ARID1B: variants seen among roughly 807,000 people sequenced by gnomAD.
The protein encoded by ARID1B is AT-rich interactive domain-containing protein 1B.
Under a neutral mutation model 212.3 loss-of-function variants are expected in ARID1B, and 30 were observed. The observed-to-expected ratio is 0.14, with a 90% CI of 0.11 to 0.19. The LOEUF is 0.19. ARID1B is among the 10% of genes least tolerant of loss of function. The pLI is 1.00. For missense variants in ARID1B, 2,891 were observed against 3,204.0 expected (o/e 0.90, Z 2.36); for synonymous variants, 1,402 against 1,301.7 (o/e 1.08, Z -1.66).
intron 4 of ARID1B, among the ~76,000 whole-genome samples, chr6:156,984,312 T>C (rs1777793562): frequency 6.6e-6 from 1 of 152,192 alleles, no homozygotes; most frequent in East Asian, 1.9e-4. Flanking sequence ...TCCTTGGACC[T>C]CTTCACATTT....
At chr6:157,149,645 AAAT>A (rs1351623986) in intron 8 of ARID1B, 4 of 152,242 alleles carry the variant, frequency 2.6e-5, no homozygotes, top group African/African-American at 9.6e-5. Flanking sequence ...ACCTGGATAA[AAAT>A]AACATAATTA....
At chr6:157,047,051 A>G (rs1782286247) in intron 4 of ARID1B, among the ~76,000 whole-genome samples, 1 of 152,130 alleles carries the variant, frequency 6.6e-6, no homozygotes, top group South Asian at 2.1e-4. Flanking sequence ...GGAACTCTAT[A>G]TTAGGTTACA....
At position 157,010,193 on chromosome 6, in the gene ARID1B, C is replaced by T. The variant is rs569943170; in HGVS notation, c.2248-74469C>T. 2.5e-4 allele frequency among the ~76,000 whole-genome samples: 38 copies of T among 149,704 alleles called. 2 individuals carry two copies. The highest frequency in any genetic ancestry group is 8.1e-4 in the African/African-American group (33 of 40,512). ...TTGTTTTTCTCTATCTTTGGGTAATCTTGAATAGGGCCGAGCTATTATTTA... is the reference window on the plus strand; with the variant it reads ...TTGTTTTTCTCTATCTTTGGGTAATTTTGAATAGGGCCGAGCTATTATTTA... On this transcript the variant is annotated intron_variant, in intron 4 of 19. Transcript: ENST00000636930.
intron 2 of ARID1B, among the ~76,000 whole-genome samples, chr6:156,898,336 T>C (rs1381455464): frequency 6.6e-6 from 1 of 152,200 alleles, no homozygotes; most frequent in Non-Finnish European, 1.5e-5. Context: ...ATCGGTCCTT[T>C]GGGCCCTCCT....
At chr6:156,856,179 G>A (rs1439200689) in intron 2 of ARID1B, among the ~76,000 whole-genome samples, 2 of 152,164 alleles carry the variant, frequency 1.3e-5, no homozygotes, top group Non-Finnish European at 2.9e-5. Flanking sequence ...GTTGCCTAAC[G>A]TTAACTGGAG....
At position 157,208,195 on chromosome 6, in the gene ARID1B, T is replaced by A. The variant is rs1338213876; in HGVS notation, c.*304T>A. 3.5e-6 allele frequency: 1 copy of A among 282,344 alleles called. No homozygotes were observed. The highest frequency in any genetic ancestry group is 6.6e-6 in the Non-Finnish European group (1 of 152,302). The allele number at this position is 282,344 out of a possible 1,614,324, so 17.5% of individuals were successfully genotyped here. ...TGTTCTTCACAGATCTTTTTAATGT[T>A]CTTTCCCATGTTGTATTGCATTTTT... On this transcript the variant is annotated 3_prime_UTR_variant, in exon 20 of 20. Transcript: ENST00000636930.
intron 2 of ARID1B, among the ~76,000 whole-genome samples, chr6:156,898,537 G>A (rs908157132): frequency 6.6e-6 from 1 of 152,176 alleles, no homozygotes; most frequent in African/African-American, 2.4e-5. Flanking sequence ...AGGCTCTGGG[G>A]CCTTCCATGT....
chr6:156,977,346 C>T (rs1326259554), intron 4 of ARID1B, among the ~76,000 whole-genome samples: 1 of 149,418 alleles, frequency 6.7e-6, no homozygotes, highest in African/African-American at 2.5e-5. Context: ...ACCCTGAAGT[C>T]TCTTTCTCTT....
chr6:157,012,484 G>T (rs948762007), intron 4 of ARID1B, among the ~76,000 whole-genome samples: 2 of 152,184 alleles, frequency 1.3e-5, no homozygotes, highest in African/African-American at 2.4e-5. Context: ...GCTACCTTTG[G>T]TGAATATATG....
At chr6:157,100,991 G>A (rs778772311) in intron 5 of ARID1B, among the ~76,000 whole-genome samples, 4 of 152,190 alleles carry the variant, frequency 2.6e-5, no homozygotes, top group Admixed American at 6.5e-5. Flanking sequence ...AAAGTCAGAT[G>A]GTGGCAGGTG....
intron 4 of ARID1B, among the ~76,000 whole-genome samples, chr6:157,035,823 T>G (rs1433644205): frequency 6.6e-6 from 1 of 152,228 alleles, no homozygotes; most frequent in Non-Finnish European, 1.5e-5. Flanking sequence ...TTTGCTTCCT[T>G]GTTTCTTCTT....
At chr6:156,956,205 A>G (rs1470885617) in intron 4 of ARID1B, among the ~76,000 whole-genome samples, 1 of 152,090 alleles carries the variant, frequency 6.6e-6, no homozygotes, top group Non-Finnish European at 1.5e-5. Context: ...AGAAAAAGAC[A>G]TTCTTTTTTG....
chr6:157,085,507 T>G (rs1583281634), intron 5 of ARID1B, among the ~76,000 whole-genome samples: 1 of 152,164 alleles, frequency 6.6e-6, no homozygotes, highest in African/African-American at 2.4e-5. Flanking sequence ...CCCTTTATTA[T>G]GTTCTCGAGG....
intron 6 of ARID1B, among the ~76,000 whole-genome samples, chr6:157,112,804 G>A (rs1314616063): frequency 6.6e-6 from 1 of 152,114 alleles, no homozygotes; most frequent in Non-Finnish European, 1.5e-5. Flanking sequence ...ACCACTGTAT[G>A]GAAATTACCA....
At chr6:156,804,623 C>T (rs1423682426) in intron 1 of ARID1B, among the ~76,000 whole-genome samples, 2 of 152,000 alleles carry the variant, frequency 1.3e-5, no homozygotes, top group Admixed American at 6.6e-5. Context: ...ATAAAACCAT[C>T]AGATTTCGTG....
At chr6:156,837,472 A>G (rs988131834) in intron 2 of ARID1B, among the ~76,000 whole-genome samples, 1 of 152,232 alleles carries the variant, frequency 6.6e-6, no homozygotes, top group African/African-American at 2.4e-5. Context: ...CTCATGAGGT[A>G]GGCTAGATGG....
chr6:156,865,926 T>C (rs922072570), intron 2 of ARID1B, among the ~76,000 whole-genome samples: 1 of 152,200 alleles, frequency 6.6e-6, no homozygotes, highest in Non-Finnish European at 1.5e-5. Context: ...GATTGTACTC[T>C]GTTTTGCATA....
In ARID1B at chr6:156,854,550, C is replaced by G. The variant is rs139577362; in HGVS notation, c.1986+25129C>G. 6.9e-3 allele frequency among the ~76,000 whole-genome samples: 1,056 copies of G among 152,314 alleles called. 3 individuals are homozygous for G. Among genetic ancestry groups the G allele is most frequent in the Middle Eastern group, 0.014 (4 of 294 alleles). On this transcript the variant is annotated intron_variant, in intron 2 of 19. Transcript: ENST00000636930. The stretch of plus-strand genomic sequence containing the variant: ...AAATAGCCTCTCTAGACCCAGGGAA[C>G]ATGTTGGGTCAGCTTTCAAAATTGA...
At position 156,779,203 on chromosome 6, in the gene ARID1B, C is replaced by T. The variant is rs771908741; in HGVS notation, c.1523C>T (p.Ser508Leu). 1.5e-6 allele frequency: 2 copies of T among 1,329,978 alleles called. No homozygotes were observed. Among genetic ancestry groups the T allele is most frequent in the South Asian group, 2.0e-5 (1 of 49,750 alleles). The allele number at this position is 1,329,978 out of a possible 1,614,324, so 82.4% of individuals were successfully genotyped here. A position where few individuals can be genotyped will look rare whatever the true frequency, so the allele number is the denominator to read the frequency against. ...ATPTLNQLLT[S>L]PSPMMRSYGG... The stretch of plus-strand genomic sequence containing the variant: ...CCGACCCTCAATCAGCTGCTCACCT[C>T]GCCCAGCCCCATGATGCGGAGCTAC... Residue 508 changes from serine (S) to leucine (L), a missense_variant, in exon 1 of 20, where the codon TCG (serine) becomes TTG (leucine). Around this residue, in one of 7 missense-constraint regions of ARID1B, gnomAD observed 1,643 missense variants for 1,544.0 expected, o/e 1.06. Transcript: ENST00000636930.
Sources: gnomAD v4.1 joint callset for allele counts (sites outside exome capture counted in the v4.1 genomes callset) on GRCh38, gnomAD v4.1.1 for gene constraint, gnomAD v4.1.1 regional missense constraint, MANE v1.5 for transcripts, NCBI Gene and HGNC (gene_info 2026-07-23, HGNC 2026-07-21) for gene names.